ABCG2: variants seen among roughly 807,000 people sequenced by gnomAD.
ABCG2 encodes broad substrate specificity ATP-binding cassette transporter ABCG2.
ABCG2 carries 80 observed loss-of-function variants against 73.5 expected under a neutral mutation model. That is an observed-to-expected ratio of 1.09 (90% CI 0.91 to 1.31). The LOEUF is 1.31. Ranked by LOEUF, ABCG2 falls within the 50% of genes most tolerant of loss-of-function variation. ABCG2 has a pLI of 0.00. For missense variants in ABCG2, 796 were observed against 786.2 expected, an observed-to-expected ratio of 1.01 and a Z score of -0.15; for synonymous variants, 269 against 282.4, an observed-to-expected ratio of 0.95 and a Z score of 0.48.
chr4:88,107,097 T>A, intron 10 of ABCG2, 87 bp downstream of exon 10: 1 of 990,590 alleles, frequency 1.0e-6, no homozygotes, highest in Non-Finnish European at 1.5e-6. Context: ...ACACTATACT[T>A]GTCTTAAATT....
At chr4:88,229,380 T>A (rs895750868) in intron 1 of ABCG2, among the ~76,000 whole-genome samples, 4 of 152,140 alleles carry the variant, frequency 2.6e-5, no homozygotes, top group African/African-American at 9.7e-5. Context: ...GGCTCACACC[T>A]GTAATCCCAG....
chr4:88,230,302 T>TAC, intron 1 of ABCG2, among the ~76,000 whole-genome samples: 2 of 4,504 alleles, frequency 4.4e-4, no homozygotes, highest in Non-Finnish European at 9.4e-4. Context: ...TATATATATA[T>TAC]ATATATTTTT....
At chr4:88,231,167 T>C (rs2110138410) in exon 1 of ABCG2, 1 of 152,266 alleles carries the variant, frequency 6.6e-6, no homozygotes, top group African/African-American at 2.4e-5. Context: ...CTGCCTGCTC[T>C]TGGGGCAGGA....
At chr4:88,113,694 G>A (rs1484047303) in intron 8 of ABCG2, 141 bp from the exon 9 acceptor site, 17 of 1,117,420 alleles carry the variant, frequency 1.5e-5, no homozygotes, top group Admixed American at 2.8e-5. Context: ...CAGGCACGGC[G>A]GCTCATGACT....
Position 88,131,171 on chromosome 4 carries a change from G to GT in ABCG2, c.420dup (p.Gln141ThrfsTer16), listed in dbSNP as rs1560695576. 1 of 1,613,944 alleles carries GT rather than the reference G, an allele frequency of 6.2e-7. No individual in the cohort carries two copies. The highest frequency in any genetic ancestry group is 1.1e-5 in the South Asian group (1 of 91,066). On this transcript the variant is annotated frameshift_variant, in exon 5 of 16. Coordinates refer to ENST00000237612, the MANE Select transcript of ABCG2 (RefSeq NM_004827.3). LOFTEE classifies it high-confidence loss of function. ...GCAAGCCGAAGAGCTGCTGAGAACT[G>GT]TAAGTTTTCTCTCACCGTCAGAGTG...
intron 1 of ABCG2, among the ~76,000 whole-genome samples, chr4:88,150,924 T>G (rs1726435303): frequency 6.6e-6 from 1 of 152,180 alleles, no homozygotes; most frequent in African/African-American, 2.4e-5. Context: ...TCTGTGCATG[T>G]TCTGCAAAAT....
intron 1 of ABCG2, among the ~76,000 whole-genome samples, chr4:88,198,555 C>G (rs1167103354): frequency 6.6e-6 from 1 of 152,034 alleles, no homozygotes; most frequent in Admixed American, 6.6e-5. Flanking sequence ...ATCACTTGAG[C>G]CCAGGAGTTT....
chr4:88,122,071 T>C (rs970948107), intron 5 of ABCG2, among the ~76,000 whole-genome samples: 38 of 151,214 alleles, frequency 2.5e-4, no homozygotes, highest in African/African-American at 9.2e-4. Flanking sequence ...GTGGGGGAAG[T>C]CCCTCCCCTA....
chr4:88,177,320 G>A (rs1366890386), intron 1 of ABCG2, among the ~76,000 whole-genome samples: 2 of 151,886 alleles, frequency 1.3e-5, no homozygotes, highest in Non-Finnish European at 2.9e-5. Context: ...CTTACAGTGA[G>A]CCGAGATTGG....
chr4:88,093,701 TGTG>T (rs1271726163), intron 15 of ABCG2, among the ~76,000 whole-genome samples: 1 of 152,116 alleles, frequency 6.6e-6, no homozygotes, highest in Admixed American at 6.5e-5. Context: ...GAGGATTTCC[TGTG>T]GACAATTCAA....
rs1202379857 is a variant in ABCG2 at position 88,192,718 on chromosome 4, CT to C, written c.-20+38275del. ...ACAGGCATGAGCCACTATGCCTGGC[CT>C]TTTTTTTTTTTAAACGGAGTCTTGC... On this transcript the variant is annotated intron_variant, in intron 1 of 15. Coordinates refer to the ABCG2 transcript ENST00000515655. Among the ~76,000 whole-genome samples the C allele has an allele frequency of 8.3e-4, 113 of 136,860 alleles. 1 individual carries two copies. The highest frequency in any genetic ancestry group is 9.8e-4 in the Admixed American group (13 of 13,298). The allele number at this position is 136,860 out of a possible 152,430, so 89.8% of individuals were successfully genotyped here.
intron 1 of ABCG2, among the ~76,000 whole-genome samples, chr4:88,219,747 A>ATTT (rs5860123): frequency 0.023 from 3,161 of 135,018 alleles, 134 homozygotes; most frequent in African/African-American, 0.079. Flanking sequence ...ACGCCTGGCT[A>ATTT]TTTTTTTTTT....
At chr4:88,160,226 A>G (rs1377578981), upstream of ABCG2, among the ~76,000 whole-genome samples, 1 of 151,468 alleles carries the variant, frequency 6.6e-6, no homozygotes, top group Admixed American at 6.6e-5. Flanking sequence ...TGGGCCACAG[A>G]GTGAGACTCT....
chr4:88,140,718 A>G (rs1725580145), intron 1 of ABCG2, among the ~76,000 whole-genome samples: 1 of 152,230 alleles, frequency 6.6e-6, no homozygotes, highest in South Asian at 2.1e-4. Flanking sequence ...AGTCAGGAAC[A>G]GGAGACATTT....
At chr4:88,111,196 T>C (rs1418006512) in intron 9 of ABCG2, among the ~76,000 whole-genome samples, 4 of 152,004 alleles carry the variant, frequency 2.6e-5, no homozygotes, top group Non-Finnish European at 5.9e-5. Context: ...CAAGTTATTT[T>C]CCAAGTAAGA....
chr4:88,133,992 C>T (rs1332501424), intron 2 of ABCG2, among the ~76,000 whole-genome samples: 11 of 149,974 alleles, frequency 7.3e-5, no homozygotes, highest in East Asian at 2.0e-4. Flanking sequence ...AGCAAGACTC[C>T]GTCTCAGAAA....
chr4:88,175,868 T>G (rs1041997411), intron 1 of ABCG2, among the ~76,000 whole-genome samples: 1 of 152,238 alleles, frequency 6.6e-6, no homozygotes, highest in Admixed American at 6.5e-5. Context: ...TAATTTGTAT[T>G]CTTCTATTTT....
chr4:88,136,416 T>C (rs796207228), intron 2 of ABCG2, among the ~76,000 whole-genome samples: 10 of 152,226 alleles, frequency 6.6e-5, no homozygotes, highest in African/African-American at 2.4e-4. Flanking sequence ...GCAGGGTAAG[T>C]ACACAGTGAG....
upstream of ABCG2, among the ~76,000 whole-genome samples, chr4:88,161,112 G>A (rs1180737245): frequency 1.3e-5 from 2 of 151,212 alleles, no homozygotes; most frequent in Admixed American, 6.6e-5. Context: ...CCAAGAATTC[G>A]AGACAAGCCT....
Sources: gnomAD v4.1 joint callset for allele counts (sites outside exome capture counted in the v4.1 genomes callset) on GRCh38, gnomAD v4.1.1 for gene constraint, MANE v1.5 for transcripts, NCBI Gene and HGNC (gene_info 2026-07-23, HGNC 2026-07-21) for gene names.